KIF5C: variants seen among roughly 807,000 people sequenced by gnomAD.
The protein encoded by KIF5C is kinesin heavy chain isoform 5C.
Under a neutral mutation model 125.2 loss-of-function variants are expected in KIF5C, and 18 were observed. The observed-to-expected ratio is 0.14, with a 90% CI of 0.10 to 0.21. The LOEUF (loss-of-function observed/expected upper bound fraction) is 0.21. Ranked by LOEUF, KIF5C falls within the 10% of genes least tolerant of loss-of-function variation. KIF5C has a pLI of 1.00. For synonymous variants in KIF5C, 405 were observed against 434.0 expected, an observed-to-expected ratio of 0.93 and a Z score of 0.83; for missense variants, 780 against 1,183.8, an observed-to-expected ratio of 0.66 and a Z score of 5.01.
At chr2:148,972,200 G>A (rs762818676) in intron 11 of KIF5C, among the ~76,000 whole-genome samples, 3 of 152,120 alleles carry the variant, frequency 2.0e-5, no homozygotes, top group Non-Finnish European at 2.9e-5. Context: ...TTATCTGCTC[G>A]TCTTGGCCTG....
intron 1 of KIF5C, among the ~76,000 whole-genome samples, chr2:148,904,076 C>T (rs575720713): frequency 1.5e-4 from 23 of 152,190 alleles, no homozygotes; most frequent in Non-Finnish European, 2.9e-4. Context: ...CTTCTTAGCA[C>T]ACACCAGAAT....
intron 1 of KIF5C, among the ~76,000 whole-genome samples, chr2:148,893,642 C>T (rs1307658102): frequency 6.6e-6 from 1 of 152,160 alleles, no homozygotes; most frequent in Non-Finnish European, 1.5e-5. Flanking sequence ...GGAATTATCC[C>T]ACTTGGAGTG....
At chr2:148,980,252 C>T (rs73009536) in intron 13 of KIF5C, among the ~76,000 whole-genome samples, 1,828 of 152,208 alleles carry the variant, frequency 0.012, 36 homozygotes, top group African/African-American at 0.041. Context: ...TAGCTATAGT[C>T]GAGGCCTTCC....
In KIF5C at chr2:148,946,931, A is replaced by G. The variant is rs1352866316; in HGVS notation, c.622A>G (p.Ile208Val). 3.7e-6 allele frequency: 6 copies of G among 1,613,246 alleles called. No individual in the cohort carries two copies. The highest frequency in any genetic ancestry group is 1.3e-5 in the African/African-American group (1 of 74,866). ...TGAACACAGCTCTAGAAGTCACAGT[A>G]TCTTCCTGATAAATATTAAACAAGA... The part of the protein sequence containing the change: ...MNEHSSRSHS[I>V]FLINIKQENV... Residue 208 changes from isoleucine to valine, a missense_variant, in exon 8 of 26, where the codon ATC (isoleucine) becomes GTC (valine). By Grantham distance (29) the Ile-to-Val change is conservative (BLOSUM62 3). Coordinates refer to ENST00000435030, the MANE Select transcript of KIF5C (RefSeq NM_004522.3).
rs774183043 is a variant in KIF5C, at chr2:148,942,681, T to C, written c.510T>C (p.Thr170=). 1.7e-5 allele frequency: 28 copies of C among 1,610,346 alleles called. No homozygotes were observed. The highest frequency in any genetic ancestry group is 2.2e-5 in the Non-Finnish European group (26 of 1,178,566). ...KNRVPYVKGC[T]ERFVSSPEEV... Reference sequence around the variant, plus strand: ...AACTGATTCTCTTCCAGGGGTGCACTGAGCGGTTTGTGTCGAGCCCTGAGG... The same window carrying C: ...AACTGATTCTCTTCCAGGGGTGCACCGAGCGGTTTGTGTCGAGCCCTGAGG... Residue 170 remains threonine (T), a synonymous_variant, in exon 7 of 26, where the codon ACT becomes ACC. Coordinates refer to ENST00000435030, the MANE Select transcript of KIF5C (RefSeq NM_004522.3).
chr2:148,928,934 C>T (rs181411515), intron 2 of KIF5C, among the ~76,000 whole-genome samples: 22 of 152,260 alleles, frequency 1.4e-4, no homozygotes, highest in Admixed American at 6.5e-4. Context: ...ATAATGTTTT[C>T]TTTTTCCCCC....
chr2:149,013,540 G>A (rs923621586), intron 25 of KIF5C, among the ~76,000 whole-genome samples: 4 of 152,228 alleles, frequency 2.6e-5, no homozygotes, highest in African/African-American at 9.7e-5. Context: ...AGGACAGGGA[G>A]AGTGGATGTT....
At chr2:148,875,800 G>A in intron 1 of KIF5C, 57 bp downstream of exon 1, 3 of 1,551,990 alleles carry the variant, frequency 1.9e-6, no homozygotes, top group Non-Finnish European at 2.6e-6. Flanking sequence ...TGGGCGCCCC[G>A]ACGCCCCAGA....
chr2:148,924,283 CCT>C lies in KIF5C; in HGVS notation c.217+2057_217+2058del, dbSNP rs1384483291. On this transcript the variant is annotated intron_variant, in intron 2 of 25. Coordinates refer to ENST00000435030, the MANE Select transcript of KIF5C (RefSeq NM_004522.3). This position sits in a 1 kb window ranked among gnomAD's most constrained non-coding sequence, Gnocchi z 4.0. Reference sequence around the variant, plus strand: ...AGATTGGGAGGCGGTGCTGTGGAGCCCTTTTTTTCTAGAGGCTAATAATTAAA... The same window carrying C: ...AGATTGGGAGGCGGTGCTGTGGAGCCTTTTTTCTAGAGGCTAATAATTAAA... Among the ~76,000 whole-genome samples the C allele has an allele frequency of 1.3e-5, 2 of 152,050 alleles. No homozygotes were observed. The highest frequency in any genetic ancestry group is 4.8e-5 in the African/African-American group (2 of 41,398).
intron 25 of KIF5C, among the ~76,000 whole-genome samples, chr2:149,016,862 G>T (rs1169717547): frequency 6.6e-6 from 1 of 152,144 alleles, no homozygotes. Context: ...GCTGAGGGGC[G>T]AGTTGGACCA....
At chr2:148,944,836 T>C (rs761888596) in intron 7 of KIF5C, among the ~76,000 whole-genome samples, 3 of 152,204 alleles carry the variant, frequency 2.0e-5, no homozygotes, top group Non-Finnish European at 4.4e-5. Flanking sequence ...ATTTTTATAA[T>C]AGCCATCCAA....
At chr2:148,996,025 C>T (rs1158772458) in intron 17 of KIF5C, among the ~76,000 whole-genome samples, 2 of 152,036 alleles carry the variant, frequency 1.3e-5, no homozygotes, top group Non-Finnish European at 2.9e-5. Flanking sequence ...TGTGGTGGCA[C>T]ACGCCTGTAA....
intron 15 of KIF5C, among the ~76,000 whole-genome samples, chr2:148,990,401 A>G (rs1052699973): frequency 1.3e-5 from 2 of 152,244 alleles, no homozygotes; most frequent in Non-Finnish European, 2.9e-5. Context: ...AGTAGTAATG[A>G]AAAGTTATGC....
At chr2:148,927,349 C>G (rs1170096222) in intron 2 of KIF5C, among the ~76,000 whole-genome samples, 1 of 152,112 alleles carries the variant, frequency 6.6e-6, no homozygotes. Flanking sequence ...GAACATCGGC[C>G]CTTGCAGGGT....
intron 10 of KIF5C, among the ~76,000 whole-genome samples, chr2:148,958,261 G>T (rs972130561): frequency 6.6e-6 from 1 of 152,102 alleles, no homozygotes; most frequent in Non-Finnish European, 1.5e-5. Context: ...TACTACTAAA[G>T]ATTTTTCCAA....
chr2:148,969,804 AG>A (rs1277524482), intron 11 of KIF5C, among the ~76,000 whole-genome samples: 10 of 152,148 alleles, frequency 6.6e-5, no homozygotes, highest in Non-Finnish European at 1.5e-4. Flanking sequence ...CAGATAACCT[AG>A]TGTCAGGTCT....
chr2:148,975,425 G>A (rs1681033493), intron 12 of KIF5C, among the ~76,000 whole-genome samples: 1 of 152,184 alleles, frequency 6.6e-6, no homozygotes, highest in Non-Finnish European at 1.5e-5. Context: ...ATTTAGGTTT[G>A]GGTGAGGCAC....
intron 25 of KIF5C, among the ~76,000 whole-genome samples, chr2:149,017,362 TGAGA>T (rs1340127528): frequency 6.6e-6 from 1 of 152,078 alleles, no homozygotes; most frequent in South Asian, 2.1e-4. Context: ...GATGATCAGC[TGAGA>T]GAGAGGGAGG....
At chr2:148,934,778 C>T (rs746056622) in intron 3 of KIF5C, among the ~76,000 whole-genome samples, 7 of 152,014 alleles carry the variant, frequency 4.6e-5, no homozygotes, top group African/African-American at 1.4e-4. Context: ...ATATGTAATA[C>T]TCCACATACA....
Sources: allele counts gnomAD v4.1 joint callset (sites outside exome capture counted in the v4.1 genomes callset), GRCh38; gene constraint gnomAD v4.1.1; non-coding constraint Gnocchi (gnomAD v3.1); transcripts MANE v1.5; gene names NCBI Gene and HGNC (gene_info 2026-07-23, HGNC 2026-07-21).